The following PTPRT variants were observed in gnomAD, a reference collection of about 807,000 sequenced individuals.
PTPRT encodes the protein protein tyrosine phosphatase receptor type T.
Under a neutral mutation model 176.8 loss-of-function variants are expected in PTPRT, and 56 were observed. The ratio of observed to expected loss-of-function variants is 0.32; its 90% CI spans 0.26 to 0.40. PTPRT has a LOEUF of 0.40. PTPRT is among the 10% of genes least tolerant of loss of function. The pLI is 1.00. For synonymous variants in PTPRT, 783 were observed against 739.0 expected (o/e 1.06, Z -0.96); for missense variants, 1,540 against 1,908.2 (o/e 0.81, Z 3.60).
rs374052259 is a variant in PTPRT at position 42,396,798 on chromosome 20, T to A, written c.1561-44513A>T. Reference sequence around the variant, plus strand: ...GCTGGAACTCCTGACCTCATGGTTATCTGCCCACCTTGGCCCCCCAAAGTG... The same window carrying A: ...GCTGGAACTCCTGACCTCATGGTTAACTGCCCACCTTGGCCCCCCAAAGTG... On this transcript the variant is annotated intron_variant, in intron 9 of 30. Coordinates refer to ENST00000373187, the MANE Select transcript of PTPRT (RefSeq NM_007050.6). 3.3e-5 allele frequency among the ~76,000 whole-genome samples: 5 copies of A among 152,290 alleles called. No homozygotes were observed. In the East Asian group the frequency reaches 9.7e-4, roughly 30 times the overall value.
At chr20:42,529,195 C>T (rs2072332652) in intron 7 of PTPRT, among the ~76,000 whole-genome samples, 1 of 152,106 alleles carries the variant, frequency 6.6e-6, no homozygotes, top group Non-Finnish European at 1.5e-5. Context: ...CGAAGATCCT[C>T]AAAAATGGTG....
intron 7 of PTPRT, among the ~76,000 whole-genome samples, chr20:42,543,712 C>A (rs6065506): frequency 0.37 from 56,191 of 151,616 alleles, 10,444 homozygotes; most frequent in Admixed American, 0.41. Context: ...GCAGCTGTAG[C>A]CTTACAAAAT....
At chr20:42,240,815 T>A (rs1347980630) in intron 14 of PTPRT, among the ~76,000 whole-genome samples, 2 of 152,186 alleles carry the variant, frequency 1.3e-5, no homozygotes, top group Admixed American at 1.3e-4. Context: ...CTTATCTCTG[T>A]CAAGTACAGA....
intron 2 of PTPRT, among the ~76,000 whole-genome samples, chr20:42,812,280 C>T (rs754821737): frequency 1.2e-4 from 18 of 152,000 alleles, no homozygotes; most frequent in South Asian, 2.1e-4. Flanking sequence ...GTGTACAATT[C>T]GGCAGCATTA....
At chr20:42,631,452 T>G (rs1399519076) in intron 7 of PTPRT, among the ~76,000 whole-genome samples, 1 of 152,154 alleles carries the variant, frequency 6.6e-6, no homozygotes, top group African/African-American at 2.4e-5. Context: ...AGAAGCAGAC[T>G]CTGAGAGTTT....
In PTPRT at chr20:42,403,163, C is replaced by T. The variant is rs548624547; in HGVS notation, c.1560+45057G>A. ...CATAGTTTCAGTCATTCTAGGTATA[C>T]GATTTTTGCATTTTGCATATATTGC... On this transcript the variant is annotated intron_variant, in intron 9 of 30. Coordinates refer to ENST00000373187, the MANE Select transcript of PTPRT (RefSeq NM_007050.6). Among the ~76,000 whole-genome samples, 6 of 152,110 alleles carry T rather than the reference C, an allele frequency of 3.9e-5. No individual in the cohort carries two copies. The East Asian group carries it at 1.2e-3, about 30-fold the overall frequency.
At chr20:43,170,035 A>G (rs749941757) in intron 1 of PTPRT, among the ~76,000 whole-genome samples, 5 of 151,626 alleles carry the variant, frequency 3.3e-5, no homozygotes, top group African/African-American at 4.8e-5. Flanking sequence ...ACCATTTCCT[A>G]TTTCTATCTA....
intron 6 of PTPRT, among the ~76,000 whole-genome samples, chr20:42,708,145 G>A (rs1458630316): frequency 1.3e-5 from 2 of 151,826 alleles, no homozygotes; most frequent in African/African-American, 4.8e-5. Flanking sequence ...CTCTTCTGAT[G>A]GTATCTATGC....
intron 1 of PTPRT, among the ~76,000 whole-genome samples, chr20:43,154,342 T>C (rs1027002628): frequency 6.6e-6 from 1 of 152,348 alleles, no homozygotes; most frequent in East Asian, 1.9e-4. Flanking sequence ...ATGCATGGAT[T>C]TATTTATGGG....
intron 1 of PTPRT, among the ~76,000 whole-genome samples, chr20:43,013,437 C>G (rs1305563590): frequency 6.6e-6 from 1 of 152,152 alleles, no homozygotes; most frequent in Non-Finnish European, 1.5e-5. Flanking sequence ...GTGTGCTAAA[C>G]CCTGAAGAGA....
chr20:42,317,820 T>C (rs1342671369), intron 11 of PTPRT, among the ~76,000 whole-genome samples: 2 of 152,226 alleles, frequency 1.3e-5, no homozygotes, highest in African/African-American at 4.8e-5. Context: ...TATGAGTATA[T>C]GCCACACTTA....
chr20:42,935,076 CAAA>C (rs540997646), intron 1 of PTPRT, among the ~76,000 whole-genome samples: 1 of 51,796 alleles, frequency 1.9e-5, no homozygotes. Context: ...GACTTCATCT[CAAA>C]AAAAAAAAAA....
At chr20:42,732,551 AAGGATG>A (rs1380594106) in intron 6 of PTPRT, among the ~76,000 whole-genome samples, 5 of 152,230 alleles carry the variant, frequency 3.3e-5, no homozygotes, top group African/African-American at 1.2e-4. Flanking sequence ...ATGAGCTTTG[AAGGATG>A]ACTGCGAGAA....
intron 14 of PTPRT, among the ~76,000 whole-genome samples, chr20:42,243,679 T>C (rs1386841048): frequency 6.6e-6 from 1 of 152,126 alleles, no homozygotes; most frequent in East Asian, 1.9e-4. Context: ...AGTCCAGGAT[T>C]TGCTTATTTC....
chr20:42,678,602 C>A (rs2075549831), intron 6 of PTPRT, among the ~76,000 whole-genome samples: 1 of 152,222 alleles, frequency 6.6e-6, no homozygotes, highest in African/African-American at 2.4e-5. Context: ...ACACGCCTGG[C>A]CTGAAAACCC....
intron 7 of PTPRT, among the ~76,000 whole-genome samples, chr20:42,492,785 G>A (rs1056636102): frequency 2.6e-5 from 4 of 152,010 alleles, no homozygotes; most frequent in Non-Finnish European, 5.9e-5. Flanking sequence ...GTTTTAATTG[G>A]GCTGCTTTTA....
intron 7 of PTPRT, among the ~76,000 whole-genome samples, chr20:42,584,500 C>G (rs2145735222): frequency 6.6e-6 from 1 of 152,296 alleles, no homozygotes; most frequent in East Asian, 1.9e-4. Flanking sequence ...ACATTTCAGT[C>G]AATCAGAGAG....
chr20:42,099,252 G>A (rs1985620525), intron 26 of PTPRT, among the ~76,000 whole-genome samples: 1 of 151,942 alleles, frequency 6.6e-6, no homozygotes, highest in Admixed American at 6.6e-5. Context: ...CTAAATACTG[G>A]CAAGTTATTA....
chr20:42,066,133 G>A, the PTPRT span, among the ~76,000 whole-genome samples: 128 of 147,488 alleles, frequency 8.7e-4, no homozygotes, highest in Non-Finnish European at 7.4e-4. Context: ...TCTGCCTCCC[G>A]GGTTCAAACG....
Sources: gnomAD v4.1 joint callset for allele counts (sites outside exome capture counted in the v4.1 genomes callset) on GRCh38, gnomAD v4.1.1 for gene constraint, MANE v1.5 for transcripts, NCBI Gene and HGNC (gene_info 2026-07-23, HGNC 2026-07-21) for gene names.